GLI3: variants seen among roughly 807,000 people sequenced by gnomAD.
GLI3 encodes transcription activator GLI3.
A neutral mutation model predicts 100.8 loss-of-function variants in GLI3; 20 were observed. The ratio of observed to expected loss-of-function variants is 0.20; its 90% CI spans 0.14 to 0.29. GLI3 has a LOEUF of 0.29. Among genes scored for constraint, GLI3 ranks in the 10% least tolerant of loss-of-function variants. The probability of loss-of-function intolerance (pLI) is 1.00; values close to 1 mark genes in which losing one functional copy is unlikely to be tolerated. For missense variants in GLI3, 2,040 were observed against 2,128.5 expected (o/e 0.96, Z 0.82); for synonymous variants, 938 against 860.5 (o/e 1.09, Z -1.58).
At chr7:42,120,785 T>C (rs73325654) in intron 3 of GLI3, among the ~76,000 whole-genome samples, 4,126 of 152,332 alleles carry the variant, frequency 0.027, 180 homozygotes, top group African/African-American at 0.094. Context: ...TTTAATCTTG[T>C]AAAGCTTAAC....
upstream of GLI3, chr7:42,237,764 T>TG (rs1788847763): frequency 6.6e-6 from 1 of 152,134 alleles, no homozygotes; most frequent in African/African-American, 2.4e-5. Context: ...TGGGAAAACT[T>TG]GGAGTGCTGC....
chr7:42,191,742 T>C (rs1416002461), intron 2 of GLI3, among the ~76,000 whole-genome samples: 1 of 151,962 alleles, frequency 6.6e-6, no homozygotes, highest in Non-Finnish European at 1.5e-5. Flanking sequence ...CTCACTTACT[T>C]TTCACAATAA....
chr7:42,072,792 G>A (rs1451055270), intron 4 of GLI3, among the ~76,000 whole-genome samples: 1 of 152,094 alleles, frequency 6.6e-6, no homozygotes, highest in Non-Finnish European at 1.5e-5. Context: ...ATAGATTCAG[G>A]TTCTTTCATT....
intron 3 of GLI3, among the ~76,000 whole-genome samples, chr7:42,120,576 T>A (rs190300703): frequency 6.6e-6 from 1 of 152,336 alleles, no homozygotes; most frequent in East Asian, 1.9e-4. Context: ...GAGGTACTGT[T>A]TATTACCCCC....
chr7:42,074,759 C>T (rs769186596), intron 4 of GLI3, among the ~76,000 whole-genome samples: 10 of 152,212 alleles, frequency 6.6e-5, no homozygotes, highest in Non-Finnish European at 1.3e-4. Flanking sequence ...GTGCCCGCAG[C>T]AATGATATTC....
At chr7:42,013,368 T>G (rs1788670725) in intron 10 of GLI3, among the ~76,000 whole-genome samples, 1 of 151,468 alleles carries the variant, frequency 6.6e-6, no homozygotes, top group Non-Finnish European at 1.5e-5. Flanking sequence ...CACAGGATTA[T>G]ATATTCATAA....
At chr7:42,076,933 C>A (rs1784890216) in intron 3 of GLI3, 76 bp from the exon 4 acceptor site, 1 of 856,718 alleles carries the variant, frequency 1.2e-6, no homozygotes, top group Admixed American at 1.9e-5. Context: ...AGCAACATTG[C>A]TATACTATTG....
intron 1 of GLI3, among the ~76,000 whole-genome samples, chr7:42,225,858 C>T (rs1385403829): frequency 6.6e-6 from 1 of 152,180 alleles, no homozygotes; most frequent in Non-Finnish European, 1.5e-5. Context: ...CATCCACCTC[C>T]CCTTTCCAGG....
At chr7:42,111,382 G>T (rs531401229) in intron 3 of GLI3, among the ~76,000 whole-genome samples, 2 of 152,302 alleles carry the variant, frequency 1.3e-5, no homozygotes, top group African/African-American at 4.8e-5. Context: ...AGATCAAGGG[G>T]TCTGGACGGT....
At chr7:41,990,427 G>T (rs1013807712) in intron 10 of GLI3, among the ~76,000 whole-genome samples, 1 of 152,078 alleles carries the variant, frequency 6.6e-6, no homozygotes, top group Non-Finnish European at 1.5e-5. Context: ...AATGAAAAAC[G>T]AGATCCAATT....
At position 41,995,123 on chromosome 7, in the gene GLI3, C is replaced by G. The variant is rs574757998; in HGVS notation, c.1498-16375G>C. 7.9e-5 allele frequency among the ~76,000 whole-genome samples: 12 copies of G among 152,284 alleles called. No individual in the cohort carries two copies. The South Asian group carries it at 2.5e-3, about 32-fold the overall frequency. ...TTAGTTATTTTATCTAAAGTACATG[C>G]AAAATGATGTCTGTATATTTCATTT... On this transcript the variant is annotated intron_variant, in intron 10 of 14. Transcript: ENST00000395925.
intron 10 of GLI3, among the ~76,000 whole-genome samples, chr7:42,016,005 T>G (rs1325109675): frequency 6.6e-6 from 1 of 152,076 alleles, no homozygotes; most frequent in Non-Finnish European, 1.5e-5. Context: ...GAAACAGTTT[T>G]GGTTGTCATG....
chr7:42,031,792 T>A (rs1305567352), intron 7 of GLI3, among the ~76,000 whole-genome samples: 1 of 152,184 alleles, frequency 6.6e-6, no homozygotes, highest in Non-Finnish European at 1.5e-5. Context: ...AATTTCTCAG[T>A]CAGTTTCATC....
At position 41,978,605 on chromosome 7, in the gene GLI3, T is replaced by C. The variant is rs1175131665; in HGVS notation, c.1641A>G (p.Lys547=). 2.3e-5 allele frequency: 37 copies of C among 1,613,962 alleles called. No individual in the cohort carries two copies. The highest frequency in any genetic ancestry group is 3.0e-5 in the Non-Finnish European group (35 of 1,179,936). Residue 547 remains lysine, a synonymous_variant, in exon 11 of 15, where the codon AAA becomes AAG. Coordinates refer to ENST00000395925, the MANE Select transcript of GLI3 (RefSeq NM_000168.6). ...CACCCACTTCTGTACTCACAGTGCA[T>C]TTGTGAGGCTTCTCGCCCGTGTGTC... The part of the protein sequence containing the change: ...MRRHTGEKPH[K]CTFEGCTKAY...
chr7:42,037,140 CA>C (rs200356442), intron 7 of GLI3, among the ~76,000 whole-genome samples: 56 of 150,654 alleles, frequency 3.7e-4, no homozygotes, highest in Non-Finnish European at 5.8e-4. Context: ...AACTCTGTCT[CA>C]AAAAAAAATA....
intron 4 of GLI3, among the ~76,000 whole-genome samples, chr7:42,056,115 G>C: frequency 6.6e-6 from 1 of 152,180 alleles, no homozygotes; most frequent in East Asian, 1.9e-4. Flanking sequence ...CCAGCCACGT[G>C]GAACTGTAAG....
At chr7:42,137,312 G>C (rs975631625) in intron 3 of GLI3, among the ~76,000 whole-genome samples, 2 of 152,118 alleles carry the variant, frequency 1.3e-5, no homozygotes, top group African/African-American at 4.8e-5. Context: ...ACACCAGCCA[G>C]AGTGACAGCC....
chr7:42,178,622 T>G (rs181682321), intron 2 of GLI3, among the ~76,000 whole-genome samples: 9 of 152,328 alleles, frequency 5.9e-5, no homozygotes, highest in Admixed American at 5.9e-4. Flanking sequence ...GAGCTCCTAC[T>G]GTGTACTGGG....
At chr7:42,252,620 T>C (rs1377411793) in intron 1 of GLI3, among the ~76,000 whole-genome samples, 1 of 152,228 alleles carries the variant, frequency 6.6e-6, no homozygotes, top group Non-Finnish European at 1.5e-5. Flanking sequence ...TCTATGATGC[T>C]TGCTGAGAAA....
Sources: gnomAD v4.1 joint callset for allele counts (sites outside exome capture counted in the v4.1 genomes callset) on GRCh38, gnomAD v4.1.1 for gene constraint, MANE v1.5 for transcripts, NCBI Gene and HGNC (gene_info 2026-07-23, HGNC 2026-07-21) for gene names.